POM121C: variants seen among roughly 807,000 people sequenced by gnomAD.
POM121C encodes POM121 transmembrane nucleoporin C.
In POM121C, 20 loss-of-function variants were observed where a neutral mutation model predicts 66.4. The observed-to-expected ratio is 0.30, with a 90% CI of 0.21 to 0.44. The LOEUF is 0.44. Ranked by LOEUF, POM121C falls within the 20% of genes least tolerant of loss-of-function variation. The probability of loss-of-function intolerance (pLI) is 1.00; values close to 1 mark genes in which losing one functional copy is unlikely to be tolerated. For missense variants in POM121C, 580 were observed against 1,225.7 expected, an observed-to-expected ratio of 0.47 and a Z score of 7.87; for synonymous variants, 286 against 528.0, an observed-to-expected ratio of 0.54 and a Z score of 6.28.
chr7:75,457,148 TAAAA>T (rs1448452854), intron 3 of POM121C, among the ~76,000 whole-genome samples: 2 of 110,892 alleles, frequency 1.8e-5, no homozygotes, highest in Non-Finnish European at 3.5e-5. Context: ...CTATTTCAAT[TAAAA>T]ATAAATAAAT....
intron 3 of POM121C, among the ~76,000 whole-genome samples, chr7:75,450,479 T>C (rs1790985724): frequency 6.6e-6 from 1 of 152,114 alleles, no homozygotes; most frequent in African/African-American, 2.4e-5. Flanking sequence ...AGACCTAAGT[T>C]TTCACCTTGG....
chr7:75,456,960 A>G (rs1265765055), intron 3 of POM121C, among the ~76,000 whole-genome samples: 1 of 150,370 alleles, frequency 6.7e-6, no homozygotes, highest in African/African-American at 2.4e-5. Context: ...CAGCCTGGCC[A>G]ACATGGTGAA....
chr7:75,475,115 T>G lies in POM121C; in HGVS notation c.-384A>C, dbSNP rs1792027237. 2.6e-6 allele frequency: 4 copies of G among 1,537,440 alleles called. No homozygotes were observed. In the African/African-American group the frequency reaches 4.1e-5, roughly 16 times the overall value. ...CAACATCACATCCCCGTATGTTATC[T>G]TCTCATCAGGGTCCAGTTGCCGCCA... is the stretch of plus-strand genomic sequence containing the variant. On this transcript the variant is annotated 5_prime_UTR_variant, in exon 2 of 15. Transcript: ENST00000615331.
At chr7:75,429,371 C>T (rs34761468) in intron 7 of POM121C, among the ~76,000 whole-genome samples, 26,753 of 152,236 alleles carry the variant, frequency 0.18, 2,688 homozygotes, top group Middle Eastern at 0.29. Flanking sequence ...GTGGCTCATG[C>T]CTATAATCCC....
chr7:75,470,104 C>T (rs71554666), intron 3 of POM121C, among the ~76,000 whole-genome samples: 4 of 151,006 alleles, frequency 2.6e-5, no homozygotes, highest in Admixed American at 1.3e-4. Flanking sequence ...TTAGTAGAGA[C>T]GGGGTTTCGC....
At position 75,421,386 on chromosome 7, in the gene POM121C, C is replaced by A. The variant is rs1443363714; in HGVS notation, c.2743+123G>T. On this transcript the variant is annotated intron_variant, in intron 13 of 14. Transcript: ENST00000615331. ...ACATGTATCATGCCCTGGCATCTCA[C>A]TGAGTTCTATATTCAGTGCCTGTCT... 10 of 1,505,650 alleles carry A rather than the reference C, an allele frequency of 6.6e-6. 1 individual carries two copies. The East Asian group carries it at 7.3e-5, about 11-fold the overall frequency. The allele number at this position is 1,505,650 out of a possible 1,614,324, so 93.3% of individuals were successfully genotyped here.
chr7:75,450,878 C>A (rs747486489), intron 3 of POM121C, among the ~76,000 whole-genome samples: 1 of 152,174 alleles, frequency 6.6e-6, no homozygotes, highest in African/African-American at 2.4e-5. Context: ...GACAAGGGAA[C>A]GTATTCAAAG....
At chr7:75,447,334 T>C (rs1790856081) in intron 3 of POM121C, among the ~76,000 whole-genome samples, 1 of 150,950 alleles carries the variant, frequency 6.6e-6, no homozygotes, top group Admixed American at 6.6e-5. Context: ...TGAAGCTCAA[T>C]GTCAAGTACA....
rs1789572576 is a variant in POM121C, at chr7:75,418,741, T to C, written c.*55A>G. ...AGGGTCCAAGGCTCTTTCTAGCACGTGCCAAGGTCCAGATTTAGGGAAGGG... is the reference window on the plus strand; with the variant it reads ...AGGGTCCAAGGCTCTTTCTAGCACGCGCCAAGGTCCAGATTTAGGGAAGGG... On this transcript the variant is annotated 3_prime_UTR_variant, in exon 15 of 15. Transcript: ENST00000615331. 7 of 1,546,618 alleles carry C rather than the reference T, an allele frequency of 4.5e-6. No individual in the cohort carries two copies. Among genetic ancestry groups the C allele is most frequent in the Non-Finnish European group, 6.1e-6 (7 of 1,149,828 alleles).
Position 75,423,909 on chromosome 7 carries a change from G to C in POM121C, c.1048+140C>G. ...GTGGGCTCCGGCGCTGTTAAACGTA[G>C]GCCCGCTCCGGTGTGCTGAGCCAGG... On this transcript the variant is annotated intron_variant, in intron 12 of 14. Transcript: ENST00000615331. 6 of 1,490,070 alleles carry C rather than the reference G, an allele frequency of 4.0e-6. No individual in the cohort carries two copies. The Admixed American group carries it at 1.4e-4, about 35-fold the overall frequency. 92.3% of individuals were successfully genotyped at this position (1,490,070 alleles called of 1,614,324 possible).
chr7:75,435,912 G>A (rs1246469951), intron 7 of POM121C, among the ~76,000 whole-genome samples: 12 of 152,274 alleles, frequency 7.9e-5, no homozygotes, highest in Non-Finnish European at 1.2e-4. Context: ...TTAGCTGGGC[G>A]TGGTGGCCAG....
At chr7:75,437,177 G>T (rs587734014) in intron 7 of POM121C, among the ~76,000 whole-genome samples, 1 of 152,060 alleles carries the variant, frequency 6.6e-6, no homozygotes, top group Admixed American at 6.6e-5. Flanking sequence ...TTTACATTCC[G>T]GGCTTTCTAC....
chr7:75,456,304 G>A (rs1172476161), intron 3 of POM121C, among the ~76,000 whole-genome samples: 5 of 152,280 alleles, frequency 3.3e-5, no homozygotes, highest in Non-Finnish European at 5.9e-5. Flanking sequence ...ACTTTGGTGG[G>A]AGTTTGGGTT....
intron 1 of POM121C, among the ~76,000 whole-genome samples, chr7:75,483,354 A>G: frequency 6.6e-6 from 1 of 152,118 alleles, no homozygotes; most frequent in South Asian, 2.1e-4. Flanking sequence ...AATCAATGCA[A>G]ACGATGTCAT....
chr7:75,450,416 T>C (rs587672301), intron 3 of POM121C, among the ~76,000 whole-genome samples: 6 of 152,360 alleles, frequency 3.9e-5, no homozygotes, highest in African/African-American at 1.4e-4. Context: ...AAGCACTCAG[T>C]TGTTACACGG....
intron 3 of POM121C, among the ~76,000 whole-genome samples, chr7:75,447,420 G>T (rs1198949379): frequency 2.0e-5 from 3 of 148,378 alleles, no homozygotes; most frequent in Non-Finnish European, 4.5e-5. Context: ...AATCCTGAAG[G>T]CAGCTGGGAA....
intron 7 of POM121C, among the ~76,000 whole-genome samples, chr7:75,432,034 G>C (rs1334018108): frequency 6.6e-6 from 1 of 151,760 alleles, no homozygotes; most frequent in Non-Finnish European, 1.5e-5. Flanking sequence ...ACAAAAATTT[G>C]TTGGGCACAG....
chr7:75,429,165 G>T (rs1790073234), intron 7 of POM121C, among the ~76,000 whole-genome samples: 1 of 152,160 alleles, frequency 6.6e-6, no homozygotes, highest in African/African-American at 2.4e-5. Context: ...GACATAAACA[G>T]AATAAGACTG....
chr7:75,440,150 G>A (rs1480437322), intron 5 of POM121C, among the ~76,000 whole-genome samples: 2 of 151,740 alleles, frequency 1.3e-5, no homozygotes, highest in Non-Finnish European at 2.9e-5. Flanking sequence ...CAAGGTGCTG[G>A]GATTATAGGC....
Sources: gnomAD v4.1 joint callset for allele counts (sites outside exome capture counted in the v4.1 genomes callset) on GRCh38, gnomAD v4.1.1 for gene constraint, MANE v1.5 for transcripts, NCBI Gene and HGNC (gene_info 2026-07-23, HGNC 2026-07-21) for gene names.